The following MIPEP variants were observed in gnomAD, a reference collection of about 807,000 sequenced individuals.
The protein encoded by MIPEP is mitochondrial intermediate peptidase.
Under a neutral mutation model 90.3 loss-of-function variants are expected in MIPEP, and 79 were observed. The ratio of observed to expected loss-of-function variants is 0.87; its 90% CI spans 0.73 to 1.05. The LOEUF is 1.05. Ranked by LOEUF, MIPEP falls within the 50% of genes least tolerant of loss-of-function variation. The probability of loss-of-function intolerance (pLI) is 0.00; values close to 1 mark genes in which losing one functional copy is unlikely to be tolerated. For missense variants in MIPEP, 940 were observed against 905.6 expected, an observed-to-expected ratio of 1.04 and a Z score of -0.49; for synonymous variants, 334 against 315.8, an observed-to-expected ratio of 1.06 and a Z score of -0.61.
chr13:23,774,641 A>T (rs1952691744), intron 16 of MIPEP, among the ~76,000 whole-genome samples: 1 of 152,118 alleles, frequency 6.6e-6, no homozygotes, highest in African/African-American at 2.4e-5. Flanking sequence ...TTTATTCCTA[A>T]GTATTTTACT....
At chr13:23,806,546 C>T (rs1468271312) in intron 15 of MIPEP, among the ~76,000 whole-genome samples, 2 of 151,982 alleles carry the variant, frequency 1.3e-5, no homozygotes, top group African/African-American at 2.4e-5. Context: ...GGCGTGGTGG[C>T]AGGCACCTCT....
At chr13:23,806,593 G>A (rs1953109949) in intron 15 of MIPEP, among the ~76,000 whole-genome samples, 1 of 152,012 alleles carries the variant, frequency 6.6e-6, no homozygotes, top group Non-Finnish European at 1.5e-5. Flanking sequence ...CAGGAGAATG[G>A]CGTGAACCTG....
At chr13:23,769,716 A>G (rs1481469998) in intron 16 of MIPEP, among the ~76,000 whole-genome samples, 1 of 152,190 alleles carries the variant, frequency 6.6e-6, no homozygotes, top group Non-Finnish European at 1.5e-5. Flanking sequence ...CAATACAAAA[A>G]GGAGAGGGAC....
intron 5 of MIPEP, among the ~76,000 whole-genome samples, chr13:23,871,213 G>A (rs559986820): frequency 6.6e-6 from 1 of 152,306 alleles, no homozygotes; most frequent in Non-Finnish European, 1.5e-5. Context: ...GACGTGGATG[G>A]TGCGGACACA....
chr13:23,889,361 G>A lies in MIPEP; in HGVS notation c.-41C>T, dbSNP rs1593216333. On this transcript the variant is annotated 5_prime_UTR_variant, in exon 1 of 19. Coordinates refer to ENST00000382172, the MANE Select transcript of MIPEP (RefSeq NM_005932.4). Reference sequence around the variant, plus strand: ...GTCCCTTCCTCCAACGCAGATCCCTGCCCTGCTGCTTTCGCTGGGAGCGCG... The same window carrying A: ...GTCCCTTCCTCCAACGCAGATCCCTACCCTGCTGCTTTCGCTGGGAGCGCG... 7 of 1,252,338 alleles carry A rather than the reference G, an allele frequency of 5.6e-6. No homozygotes were observed. The highest frequency in any genetic ancestry group is 7.0e-6 in the Non-Finnish European group (7 of 997,234). The allele number at this position is 1,252,338 out of a possible 1,614,324, so 77.6% of individuals were successfully genotyped here. A position where few individuals can be genotyped will look rare whatever the true frequency, so the allele number is the denominator to read the frequency against.
At chr13:23,774,489 A>T (rs1204525454) in intron 16 of MIPEP, among the ~76,000 whole-genome samples, 1 of 152,228 alleles carries the variant, frequency 6.6e-6, no homozygotes, top group South Asian at 2.1e-4. Context: ...CTGTAGGTCA[A>T]TTTGGGGTGT....
intron 4 of MIPEP, among the ~76,000 whole-genome samples, chr13:23,877,509 T>C (rs528035268): frequency 6.6e-6 from 1 of 152,324 alleles, no homozygotes; most frequent in African/African-American, 2.4e-5. Context: ...GGTTTCTTTA[T>C]GGCCTGGCTT....
chr13:23,839,702 A>G lies in MIPEP; in HGVS notation c.1285T>C (p.Leu429=). 1 of 1,612,940 alleles carries G rather than the reference A, an allele frequency of 6.2e-7. No individual in the cohort carries two copies. Among genetic ancestry groups the G allele is most frequent in the Non-Finnish European group, 8.5e-7 (1 of 1,179,704 alleles). ...KLAVVHESEG[L]LGYIYCDFFQ... Reference sequence around the variant, plus strand: ...AAATCACAGTAAATGTACCCCAACAATCCTTCAGATTCATGAACAACAGCC... The same window carrying G: ...AAATCACAGTAAATGTACCCCAACAGTCCTTCAGATTCATGAACAACAGCC... The change falls in exon 12 of 19, where the codon TTG becomes CTG. Residue 429 remains leucine, a synonymous_variant. Transcript: ENST00000382172.
At position 23,886,848 on chromosome 13, in the gene MIPEP, T is replaced by C. The variant is rs143094947; in HGVS notation, c.190-342A>G. Among the ~76,000 whole-genome samples, 1,116 of 151,842 alleles carry C rather than the reference T, an allele frequency of 7.3e-3. 52 individuals carry two copies. Among genetic ancestry groups the C allele is most frequent in the Admixed American group, 0.065 (995 of 15,240 alleles). On this transcript the variant is annotated intron_variant, in intron 1 of 18. Transcript: ENST00000382172. The stretch of plus-strand genomic sequence containing the variant: ...ATATATGTAAATATATATATATATA[T>C]ACATAAAGCAGTGTTTGGCACAGAG...
At chr13:23,813,468 A>T (rs1315496524) in intron 14 of MIPEP, among the ~76,000 whole-genome samples, 6 of 152,296 alleles carry the variant, frequency 3.9e-5, no homozygotes, top group African/African-American at 1.2e-4. Context: ...GTTATAGTGT[A>T]TGTTTTAGAA....
At position 23,841,328 on chromosome 13, in the gene MIPEP, A is replaced by G. The variant is rs781665982; in HGVS notation, c.1260+7T>C. ...CTGCAACTGCAGGCTGAGCAGGAGG[A>G]GCTCACCAGTTTTCGGACATCTTCG... On this transcript the variant is annotated splice_region_variant and intron_variant, in intron 11 of 18. Transcript: ENST00000382172. 14 of 1,605,960 alleles carry G rather than the reference A, an allele frequency of 8.7e-6. No individual in the cohort carries two copies. The highest frequency in any genetic ancestry group is 1.2e-5 in the Non-Finnish European group (14 of 1,177,360).
chr13:23,741,833 A>AT (rs987833520), intron 18 of MIPEP, among the ~76,000 whole-genome samples: 7 of 152,068 alleles, frequency 4.6e-5, no homozygotes, highest in Non-Finnish European at 7.4e-5. Context: ...TTTAAAAAAA[A>AT]AAAATAAAAG....
intron 16 of MIPEP, among the ~76,000 whole-genome samples, chr13:23,774,523 G>GTC (rs1042312391): frequency 2.0e-5 from 3 of 152,222 alleles, no homozygotes; most frequent in Admixed American, 2.0e-4. Flanking sequence ...ACAATAGTAA[G>GTC]TCTTACAATC....
Position 23,778,713 on chromosome 13 carries a change from C to T in MIPEP, c.1849-18496G>A, listed in dbSNP as rs201015186. On this transcript the variant is annotated intron_variant, in intron 16 of 18. Coordinates refer to ENST00000382172, the MANE Select transcript of MIPEP (RefSeq NM_005932.4). ...GCTCTACATTATTTTATTATACTGA[C>T]AATAATAATAATAATAATACATGAC... 5.3e-5 allele frequency among the ~76,000 whole-genome samples: 8 copies of T among 151,008 alleles called. No individual in the cohort carries two copies. In the South Asian group the frequency reaches 6.3e-4, roughly 12 times the overall value.
intron 3 of MIPEP, 36 bp from the exon 4 acceptor site, chr13:23,879,390 T>A: frequency 1.9e-6 from 2 of 1,065,820 alleles, no homozygotes; most frequent in Non-Finnish European, 1.4e-6. Context: ...TTAGATGATT[T>A]TCTAATACCT....
At chr13:23,882,455 C>T (rs564362386) in intron 2 of MIPEP, among the ~76,000 whole-genome samples, 66 of 152,186 alleles carry the variant, frequency 4.3e-4, no homozygotes, top group Admixed American at 8.5e-4. Flanking sequence ...AACAAAGGCA[C>T]GGTCTCTTCA....
chr13:23,839,300 CATA>C (rs1869192409), intron 12 of MIPEP, among the ~76,000 whole-genome samples: 1 of 152,142 alleles, frequency 6.6e-6, no homozygotes, highest in Non-Finnish European at 1.5e-5. Flanking sequence ...TCAGTTTCCT[CATA>C]ATGTGAGTAA....
intron 16 of MIPEP, among the ~76,000 whole-genome samples, chr13:23,762,395 C>T (rs181206820): frequency 1.1e-4 from 17 of 152,260 alleles, no homozygotes; most frequent in Non-Finnish European, 2.4e-4. Flanking sequence ...GCTTAAAAGA[C>T]GCATGGCAAT....
chr13:23,734,707 G>A (rs1952241363), intron 18 of MIPEP, among the ~76,000 whole-genome samples: 1 of 152,104 alleles, frequency 6.6e-6, no homozygotes, highest in African/African-American at 2.4e-5. Context: ...CCCAGGAGGA[G>A]CCCTAGCTGC....
Sources: allele counts gnomAD v4.1 joint callset (sites outside exome capture counted in the v4.1 genomes callset), GRCh38; gene constraint gnomAD v4.1.1; transcripts MANE v1.5; gene names NCBI Gene and HGNC (gene_info 2026-07-23, HGNC 2026-07-21).